The following ATP10B variants were observed in gnomAD, a reference collection of about 807,000 sequenced individuals.
ATP10B encodes the protein phospholipid-transporting ATPase VB.
ATP10B carries 122 observed loss-of-function variants against 141.2 expected under a neutral mutation model. That is an observed-to-expected ratio of 0.86 (90% CI 0.75 to 1.00). The LOEUF is 1.00. ATP10B is among the 50% of genes least tolerant of loss of function. ATP10B has a pLI of 0.00. For missense variants in ATP10B, 1,876 were observed against 1,825.3 expected (o/e 1.03, Z -0.51); for synonymous variants, 685 against 692.0 (o/e 0.99, Z 0.16).
intron 7 of ATP10B, among the ~76,000 whole-genome samples, chr5:160,662,480 G>A (rs1431110870): frequency 2.0e-5 from 3 of 152,078 alleles, no homozygotes; most frequent in South Asian, 2.1e-4. Flanking sequence ...AGAGCCCTCA[G>A]AAATAATGCC....
chr5:160,770,370 G>A (rs962008770), intron 2 of ATP10B, among the ~76,000 whole-genome samples: 2 of 152,004 alleles, frequency 1.3e-5, no homozygotes, highest in East Asian at 1.9e-4. Flanking sequence ...TGAAAAACAC[G>A]GGCCTTGGAA....
intron 24 of ATP10B, among the ~76,000 whole-genome samples, chr5:160,587,461 C>T (rs1175260612): frequency 6.6e-6 from 1 of 152,116 alleles, no homozygotes; most frequent in Non-Finnish European, 1.5e-5. Flanking sequence ...TTTTCTAATT[C>T]TGTGAATAAT....
At chr5:160,893,688 G>C in the ATP10B span, among the ~76,000 whole-genome samples, 1 of 152,198 alleles carries the variant, frequency 6.6e-6, no homozygotes, top group South Asian at 2.1e-4. Context: ...CAGTGCTCCA[G>C]CTCTGCTCAG....
chr5:160,736,916 A>G (rs1175272625), intron 2 of ATP10B, among the ~76,000 whole-genome samples: 1 of 152,234 alleles, frequency 6.6e-6, no homozygotes, highest in Admixed American at 6.5e-5. Context: ...TATGAGGCCA[A>G]TATTATGCTG....
Position 160,837,459 on chromosome 5 carries a change from G to A in ATP10B, c.-576+14482C>T, listed in dbSNP as rs531353611. ...ATTTCTGAAAGGGAAACCCATGTTA[G>A]TATTTTTCTTCCTAAAATGTGTTAC... On this transcript the variant is annotated intron_variant, in intron 1 of 25. Transcript: ENST00000327245. Among the ~76,000 whole-genome samples the A allele has an allele frequency of 1.9e-3, 293 of 152,190 alleles. 1 individual carries two copies. Among genetic ancestry groups the A allele is most frequent in the Non-Finnish European group, 3.6e-3 (244 of 68,002 alleles).
chr5:160,630,277 C>T (rs1490024268), intron 13 of ATP10B, among the ~76,000 whole-genome samples: 1 of 152,194 alleles, frequency 6.6e-6, no homozygotes, highest in Non-Finnish European at 1.5e-5. Flanking sequence ...AGGATGATGA[C>T]ATCTAGGATC....
the ATP10B span, among the ~76,000 whole-genome samples, chr5:160,903,462 A>C: frequency 6.6e-6 from 1 of 152,210 alleles, no homozygotes; most frequent in South Asian, 2.1e-4. Flanking sequence ...GTAGCTTTAC[A>C]GAGTCATCAA....
intron 8 of ATP10B, among the ~76,000 whole-genome samples, chr5:160,644,505 A>G (rs1760133839): frequency 6.6e-6 from 1 of 152,158 alleles, no homozygotes; most frequent in South Asian, 2.1e-4. Context: ...TACCAACATA[A>G]AAGGCAGAAC....
rs542870069 is a variant in ATP10B at position 160,839,474 on chromosome 5, T to G, written c.-576+12467A>C. 4.0e-5 allele frequency among the ~76,000 whole-genome samples: 6 copies of G among 151,768 alleles called. No individual in the cohort carries two copies. The South Asian group carries it at 1.0e-3, about 26-fold the overall frequency. On this transcript the variant is annotated intron_variant, in intron 1 of 25. Coordinates refer to ENST00000327245, the MANE Select transcript of ATP10B (RefSeq NM_025153.3). ...AAAGCTTAAGTGAGACCAAAAAAAG[T>G]CAAGGGTACCACAAAGGTATAAAAC... is the stretch of plus-strand genomic sequence containing the variant.
chr5:160,837,691 C>G (rs1214175813), intron 1 of ATP10B, among the ~76,000 whole-genome samples: 2 of 152,178 alleles, frequency 1.3e-5, no homozygotes, highest in African/African-American at 4.8e-5. Flanking sequence ...ACAGGAATTG[C>G]CTTCAGAGCA....
chr5:160,847,839 C>T (rs1339920947), intron 1 of ATP10B, among the ~76,000 whole-genome samples: 1 of 152,092 alleles, frequency 6.6e-6, no homozygotes, highest in Non-Finnish European at 1.5e-5. Context: ...TCCTCAGAAA[C>T]CTCTGCAAAA....
chr5:160,907,516 C>T, the ATP10B span, among the ~76,000 whole-genome samples: 7 of 151,996 alleles, frequency 4.6e-5, no homozygotes, highest in African/African-American at 1.2e-4. Context: ...TGTGTGACTG[C>T]GCCCAGCTAA....
Position 160,640,466 on chromosome 5 carries a change from G to A in ATP10B, c.995C>T (p.Ala332Val). ...GILILMCLIGAVGHSIWNGTF... is the reference protein window; with the variant it reads ...GILILMCLIGVVGHSIWNGTF... ...CTTTCCAGAACATCCCATACCTACA[G>A]CTCCAATAAGGCACATGAGGATGAG... The change falls in exon 10 of 26, where the codon GCT becomes GTT. Residue 332 changes from alanine (A) to valine (V), a missense_variant. Ala to Val is a moderately conservative substitution (Grantham distance 64). Transcript: ENST00000327245. The A allele has an allele frequency of 6.2e-7, 1 of 1,613,952 alleles. No homozygotes were observed. Among genetic ancestry groups the A allele is most frequent in the Non-Finnish European group, 8.5e-7 (1 of 1,179,892 alleles).
rs181599521 is a variant in ATP10B at position 160,725,387 on chromosome 5, G to A, written c.-330-8353C>T. On this transcript the variant is annotated intron_variant, in intron 2 of 25. Transcript: ENST00000327245. ...ACTCTAGTTCTTGCAGTAAAATAAG[G>A]GCAGTGCATGAATGTTTCATCGTCT... Among the ~76,000 whole-genome samples, 146 of 152,160 alleles carry A rather than the reference G, an allele frequency of 9.6e-4. 2 individuals carry two copies. Among genetic ancestry groups the A allele is most frequent in the Admixed American group, 1.2e-3 (19 of 15,294 alleles).
intron 7 of ATP10B, among the ~76,000 whole-genome samples, chr5:160,656,783 G>T (rs367571081): frequency 8.1e-4 from 123 of 152,056 alleles, no homozygotes; most frequent in African/African-American, 2.4e-3. Context: ...AAATCCCTCC[G>T]TGTCCATTAG....
At chr5:160,868,417 T>C in the ATP10B span, among the ~76,000 whole-genome samples, 1 of 152,046 alleles carries the variant, frequency 6.6e-6, no homozygotes, top group South Asian at 2.1e-4. Context: ...CATTGAACAT[T>C]TTACTTGCTG....
intron 17 of ATP10B, 59 bp from the exon 18 acceptor site, chr5:160,612,984 C>T (rs919392342): frequency 1.3e-6 from 2 of 1,503,640 alleles, no homozygotes; most frequent in Admixed American, 2.0e-5. Context: ...TTGCTTAATT[C>T]CCCCAAAGCC....
intron 25 of ATP10B, among the ~76,000 whole-genome samples, chr5:160,567,350 G>A (rs1044506713): frequency 6.6e-6 from 1 of 152,152 alleles, no homozygotes; most frequent in Non-Finnish European, 1.5e-5. Context: ...AGGAAGTGCT[G>A]ACAGTTCCAC....
intron 13 of ATP10B, among the ~76,000 whole-genome samples, chr5:160,626,714 G>C (rs1376172747): frequency 6.6e-6 from 1 of 152,178 alleles, no homozygotes; most frequent in East Asian, 1.9e-4. Flanking sequence ...CTTTCAGGTG[G>C]TGTTCATGCT....
Sources: gnomAD v4.1 joint callset for allele counts (sites outside exome capture counted in the v4.1 genomes callset) on GRCh38, gnomAD v4.1.1 for gene constraint, MANE v1.5 for transcripts, NCBI Gene and HGNC (gene_info 2026-07-23, HGNC 2026-07-21) for gene names.